RALGPS1: variants seen among roughly 807,000 people sequenced by gnomAD.
RALGPS1 encodes the protein Ral GEF with PH domain and SH3 binding motif 1.
A neutral mutation model predicts 78.8 loss-of-function variants in RALGPS1; 19 were observed. The observed-to-expected ratio is 0.24, with a 90% CI of 0.17 to 0.35. The LOEUF (loss-of-function observed/expected upper bound fraction) is 0.35, where lower values mean the gene tolerates loss of function less well. Ranked by LOEUF, RALGPS1 falls within the 10% of genes least tolerant of loss-of-function variation. RALGPS1 has a pLI of 1.00. For synonymous variants in RALGPS1, 228 were observed against 256.3 expected, an observed-to-expected ratio of 0.89 and a Z score of 1.06; for missense variants, 454 against 688.3, an observed-to-expected ratio of 0.66 and a Z score of 3.81.
intron 8 of RALGPS1, among the ~76,000 whole-genome samples, chr9:127,124,623 C>T (rs555666158): frequency 1.3e-5 from 2 of 152,294 alleles, no homozygotes; most frequent in South Asian, 4.1e-4. Context: ...CTGGGATAGA[C>T]TCGGGCAAGA....
intron 8 of RALGPS1, among the ~76,000 whole-genome samples, chr9:127,165,440 C>T (rs1225582150): frequency 6.6e-6 from 1 of 152,250 alleles, no homozygotes; most frequent in Non-Finnish European, 1.5e-5. Flanking sequence ...TAGGTTTGAT[C>T]TTCAAAAGCT....
At chr9:127,032,373 G>GCACACA (rs35466028) in intron 4 of RALGPS1, among the ~76,000 whole-genome samples, 1 of 151,002 alleles carries the variant, frequency 6.6e-6, no homozygotes, top group Non-Finnish European at 1.5e-5. Flanking sequence ...ATGTGCGTGT[G>GCACACA]CACACACACA....
chr9:127,021,305 C>T (rs918247380), intron 4 of RALGPS1, among the ~76,000 whole-genome samples: 7 of 152,042 alleles, frequency 4.6e-5, no homozygotes, highest in African/African-American at 1.4e-4. Flanking sequence ...AGTTTGAGAC[C>T]AGCCTGGCCA....
At chr9:127,187,130 G>C (rs1174308114) in intron 11 of RALGPS1, among the ~76,000 whole-genome samples, 1 of 152,176 alleles carries the variant, frequency 6.6e-6, no homozygotes, top group Non-Finnish European at 1.5e-5. Context: ...GATGATAAAA[G>C]TTACTAACCT....
chr9:126,954,173 G>A (rs1176021105), intron 1 of RALGPS1, among the ~76,000 whole-genome samples: 3 of 152,192 alleles, frequency 2.0e-5, no homozygotes, highest in African/African-American at 4.8e-5. Flanking sequence ...GGTGGGTGTT[G>A]AATAAACGAA....
At chr9:127,207,091 C>T (rs1343266621) in intron 14 of RALGPS1, among the ~76,000 whole-genome samples, 1 of 152,112 alleles carries the variant, frequency 6.6e-6, no homozygotes, top group Non-Finnish European at 1.5e-5. Flanking sequence ...ATTGTCTCAT[C>T]ACCACCACCA....
intron 11 of RALGPS1, among the ~76,000 whole-genome samples, chr9:127,192,088 G>C (rs1397536770): frequency 6.6e-6 from 1 of 152,218 alleles, no homozygotes; most frequent in Non-Finnish European, 1.5e-5. Flanking sequence ...GCGGTGACAT[G>C]GTTAGCTTCA....
chr9:127,148,753 C>T (rs920917853), intron 8 of RALGPS1, among the ~76,000 whole-genome samples: 2 of 152,212 alleles, frequency 1.3e-5, no homozygotes, highest in Non-Finnish European at 2.9e-5. Context: ...TCCATTTCAC[C>T]TCTGGCTGTG....
At chr9:127,027,144 C>G (rs1002814859) in intron 4 of RALGPS1, among the ~76,000 whole-genome samples, 1 of 152,132 alleles carries the variant, frequency 6.6e-6, no homozygotes, top group Non-Finnish European at 1.5e-5. Context: ...AATCAAAATC[C>G]GTGCTGATCT....
rs1402645787 is a variant in RALGPS1 at position 126,971,149 on chromosome 9, C to T, written c.165+5198C>T. ...AGAATAAGACTTTGGGAAAAAGTGA[C>T]AAATATTCATGATAGCCAAGGAACA... On this transcript the variant is annotated intron_variant, in intron 3 of 18. Coordinates refer to ENST00000259351, the MANE Select transcript of RALGPS1 (RefSeq NM_014636.3). 2.0e-5 allele frequency among the ~76,000 whole-genome samples: 3 copies of T among 151,760 alleles called. No individual in the cohort carries two copies. In the East Asian group the frequency reaches 5.8e-4, roughly 29 times the overall value.
chr9:127,108,846 G>C, intron 8 of RALGPS1: 1 of 1,164,602 alleles, frequency 8.6e-7, no homozygotes, highest in South Asian at 1.6e-5. Flanking sequence ...TGCCATCAGT[G>C]ATCCCAGCCT....
At chr9:127,191,846 T>C (rs1016158349) in intron 11 of RALGPS1, among the ~76,000 whole-genome samples, 10 of 151,926 alleles carry the variant, frequency 6.6e-5, no homozygotes, top group Admixed American at 2.6e-4. Context: ...TACAGGCACC[T>C]GCCACCACGC....
intron 8 of RALGPS1, among the ~76,000 whole-genome samples, chr9:127,155,545 G>A (rs10465114): frequency 0.18 from 26,655 of 152,174 alleles, 3,127 homozygotes; most frequent in East Asian, 0.46. Flanking sequence ...GGTAGTGTGG[G>A]GCAGAGCCCA....
chr9:127,205,456 A>G lies in RALGPS1; in HGVS notation c.1247+6390A>G, dbSNP rs1466137897. On this transcript the variant is annotated intron_variant, in intron 14 of 18. Transcript: ENST00000259351. This position sits in a 1 kb window ranked among gnomAD's most constrained non-coding sequence, Gnocchi z 4.0. ...AGACTGAGAGAAGTCTGCAGAGAGA[A>G]GAGTGCACAAAGAACCCCTGGCCTC... is the stretch of plus-strand genomic sequence containing the variant. 6.6e-6 allele frequency among the ~76,000 whole-genome samples: 1 copy of G among 152,262 alleles called. No homozygotes were observed. Among genetic ancestry groups the G allele is most frequent in the Non-Finnish European group, 1.5e-5 (1 of 68,048 alleles).
At chr9:126,970,847 C>A (rs1422366807) in intron 3 of RALGPS1, among the ~76,000 whole-genome samples, 1 of 152,070 alleles carries the variant, frequency 6.6e-6, no homozygotes, top group East Asian at 1.9e-4. Flanking sequence ...AAAAAAGAGA[C>A]AAGAATCCCT....
At chr9:126,984,820 C>G (rs1008026) in intron 4 of RALGPS1, among the ~76,000 whole-genome samples, 89,107 of 152,106 alleles carry the variant, frequency 0.59, 30,192 homozygotes, top group East Asian at 0.81. Flanking sequence ...TGGAATTAGG[C>G]ATTCCTTCAG....
chr9:126,977,562 C>G, intron 3 of RALGPS1, 133 bp from the exon 4 acceptor site: 1 of 474,368 alleles, frequency 2.1e-6, no homozygotes, highest in Non-Finnish European at 3.6e-6. Context: ...CAATTTTTTA[C>G]TCTATTTGGT....
intron 1 of RALGPS1, among the ~76,000 whole-genome samples, chr9:126,930,479 G>A (rs1270359490): frequency 1.3e-5 from 2 of 152,160 alleles, no homozygotes; most frequent in East Asian, 3.8e-4. Context: ...GTCTTGCTGT[G>A]TTGCCCAGCC....
chr9:126,927,049 T>G (rs1190326295), intron 1 of RALGPS1, among the ~76,000 whole-genome samples: 1 of 152,182 alleles, frequency 6.6e-6, no homozygotes, highest in East Asian at 1.9e-4. Context: ...CCTGCTAATC[T>G]GCAGCTGAGA....
Sources: allele counts gnomAD v4.1 joint callset (sites outside exome capture counted in the v4.1 genomes callset), GRCh38; gene constraint gnomAD v4.1.1; non-coding constraint Gnocchi (gnomAD v3.1); transcripts MANE v1.5; gene names NCBI Gene and HGNC (gene_info 2026-07-23, HGNC 2026-07-21).